CSNK1G1: variants seen among roughly 807,000 people sequenced by gnomAD.
The protein encoded by CSNK1G1 is casein kinase 1 gamma 1.
Under a neutral mutation model 59.6 loss-of-function variants are expected in CSNK1G1, and 22 were observed. The ratio of observed to expected loss-of-function variants is 0.37; its 90% CI spans 0.26 to 0.53. The LOEUF (loss-of-function observed/expected upper bound fraction) is 0.53, where lower values mean the gene tolerates loss of function less well. Among genes scored for constraint, CSNK1G1 ranks in the 20% least tolerant of loss-of-function variants. The pLI, the probability that CSNK1G1 is intolerant of heterozygous loss-of-function variation, is 0.89. For missense variants in CSNK1G1, 384 were observed against 519.5 expected, an observed-to-expected ratio of 0.74 and a Z score of 2.54; for synonymous variants, 179 against 177.1, an observed-to-expected ratio of 1.01 and a Z score of -0.08.
intron 1 of CSNK1G1, among the ~76,000 whole-genome samples, chr15:64,352,076 G>A (rs1314612894): frequency 6.6e-6 from 1 of 152,070 alleles, no homozygotes; most frequent in Non-Finnish European, 1.5e-5. Context: ...GGAGGCCAAG[G>A]TGGGTGGATC....
intron 2 of CSNK1G1, among the ~76,000 whole-genome samples, chr15:64,274,844 C>T (rs1893518983): frequency 6.6e-6 from 1 of 152,156 alleles, no homozygotes; most frequent in African/African-American, 2.4e-5. Flanking sequence ...GTTAGAGCTC[C>T]AGCTGTCACA....
chr15:64,202,147 A>C (rs2082117148), intron 10 of CSNK1G1, among the ~76,000 whole-genome samples: 1 of 152,190 alleles, frequency 6.6e-6, no homozygotes, highest in Non-Finnish European at 1.5e-5. Context: ...GACAGATGAC[A>C]TCGCCTAAGC....
At position 64,190,333 on chromosome 15, in the gene CSNK1G1, T is replaced by C. The variant is rs1374470832; in HGVS notation, c.1108-9879A>G. ...ATCAAAGCTACCCAAAATATTCCCC[T>C]ACTACAATTATTTCTGCCAAAAGAG... On this transcript the variant is annotated intron_variant, in intron 10 of 11. Coordinates refer to ENST00000303052, the MANE Select transcript of CSNK1G1 (RefSeq NM_022048.5). Among the ~76,000 whole-genome samples, 3 of 152,362 alleles carry C rather than the reference T, an allele frequency of 2.0e-5. No individual in the cohort carries two copies. The East Asian group carries it at 5.8e-4, about 29-fold the overall frequency.
chr15:64,290,666 T>C (rs1894689126), intron 2 of CSNK1G1, among the ~76,000 whole-genome samples: 1 of 152,184 alleles, frequency 6.6e-6, no homozygotes. Context: ...AAACCCAGAC[T>C]TCACCATTAG....
intron 10 of CSNK1G1, among the ~76,000 whole-genome samples, chr15:64,202,855 G>A (rs2082125664): frequency 6.6e-6 from 1 of 152,110 alleles, no homozygotes; most frequent in South Asian, 2.1e-4. Context: ...ACTTGGCCAG[G>A]CTGACTCTTT....
chr15:64,296,080 G>A (rs140780113), intron 2 of CSNK1G1, among the ~76,000 whole-genome samples: 2 of 152,180 alleles, frequency 1.3e-5, no homozygotes, highest in Non-Finnish European at 2.9e-5. Context: ...CCTCTTTGAA[G>A]CCTTTATTAA....
intron 3 of CSNK1G1, among the ~76,000 whole-genome samples, chr15:64,255,475 T>G (rs777516276): frequency 2.6e-5 from 4 of 152,154 alleles, no homozygotes; most frequent in Non-Finnish European, 5.9e-5. Flanking sequence ...TTGGAACACT[T>G]TTATATTATA....
intron 7 of CSNK1G1, among the ~76,000 whole-genome samples, chr15:64,206,003 T>A (rs1043958414): frequency 6.6e-5 from 10 of 152,094 alleles, no homozygotes; most frequent in Admixed American, 6.6e-4. Flanking sequence ...TGAAATAAAT[T>A]ACAACCAAAA....
chr15:64,275,732 T>C (rs1893573741), intron 2 of CSNK1G1, among the ~76,000 whole-genome samples: 1 of 152,104 alleles, frequency 6.6e-6, no homozygotes, highest in Admixed American at 6.6e-5. Context: ...TTAAAGAATG[T>C]CTTGACCAAA....
intron 1 of CSNK1G1, among the ~76,000 whole-genome samples, chr15:64,343,571 T>C (rs1366170884): frequency 1.3e-5 from 2 of 152,000 alleles, no homozygotes; most frequent in Admixed American, 1.3e-4. Context: ...TTAACTTTAA[T>C]CTCCTTCCTG....
intron 10 of CSNK1G1, among the ~76,000 whole-genome samples, chr15:64,198,005 T>C (rs1879206533): frequency 6.6e-6 from 1 of 152,030 alleles, no homozygotes; most frequent in South Asian, 2.1e-4. Flanking sequence ...AAATGCAGCT[T>C]CTCTCATCAA....
intron 10 of CSNK1G1, among the ~76,000 whole-genome samples, chr15:64,186,370 C>G (rs191221181): frequency 1.8e-4 from 27 of 152,332 alleles, no homozygotes; most frequent in African/African-American, 6.3e-4. Context: ...CTCGGCCTCC[C>G]AAAGTGCTGG....
chr15:64,299,154 A>T (rs2140400515), intron 2 of CSNK1G1, among the ~76,000 whole-genome samples: 1 of 151,764 alleles, frequency 6.6e-6, no homozygotes, highest in Admixed American at 6.5e-5. Flanking sequence ...ATTAATCCAC[A>T]GTCTCAAGAG....
intron 2 of CSNK1G1, among the ~76,000 whole-genome samples, chr15:64,264,726 A>G (rs1381902780): frequency 1.3e-5 from 2 of 152,252 alleles, no homozygotes; most frequent in African/African-American, 4.8e-5. Flanking sequence ...ATATATGCAT[A>G]TCAATACACG....
chr15:64,176,198 G>T lies in CSNK1G1; in HGVS notation c.1214+4150C>A. Reference sequence around the variant, plus strand: ...TAATGTTCCTAAGGCATTTTGTTTGGCTTTGCCAGTCCCAGCCTAGTCTGG... The same window carrying T: ...TAATGTTCCTAAGGCATTTTGTTTGTCTTTGCCAGTCCCAGCCTAGTCTGG... On this transcript the variant is annotated intron_variant, in intron 11 of 11. Coordinates refer to ENST00000303052, the MANE Select transcript of CSNK1G1 (RefSeq NM_022048.5). This position sits in a 1 kb window ranked among gnomAD's most constrained non-coding sequence, Gnocchi z 5.2. The T allele has an allele frequency of 2.5e-6, 1 of 398,708 alleles. No homozygotes were observed. The highest frequency in any genetic ancestry group is 3.6e-5 in the East Asian group (1 of 28,082). The allele number at this position is 398,708 out of a possible 1,614,324, so 24.7% of individuals were successfully genotyped here. A position where few individuals can be genotyped will look rare whatever the true frequency, so the allele number is the denominator to read the frequency against.
intron 4 of CSNK1G1, among the ~76,000 whole-genome samples, chr15:64,246,895 C>T (rs761214880): frequency 3.3e-5 from 5 of 152,128 alleles, no homozygotes; most frequent in Non-Finnish European, 5.9e-5. Flanking sequence ...CTTGCTGACT[C>T]ATCCCCTCCC....
chr15:64,242,764 C>T (rs967037271), intron 4 of CSNK1G1, among the ~76,000 whole-genome samples: 5 of 152,066 alleles, frequency 3.3e-5, no homozygotes, highest in African/African-American at 1.2e-4. Context: ...CAAAACCAGA[C>T]CAGGACACAA....
At chr15:64,198,875 C>G (rs989919177) in intron 10 of CSNK1G1, among the ~76,000 whole-genome samples, 1 of 151,960 alleles carries the variant, frequency 6.6e-6, no homozygotes, top group Non-Finnish European at 1.5e-5. Flanking sequence ...GATTCAGAAT[C>G]CTGGTGGGAA....
intron 3 of CSNK1G1, among the ~76,000 whole-genome samples, chr15:64,258,106 G>A (rs542843289): frequency 2.0e-5 from 3 of 152,178 alleles, no homozygotes; most frequent in Admixed American, 6.6e-5. Context: ...GTGTGGATGT[G>A]GTAAGTGCAA....
Sources: allele counts gnomAD v4.1 joint callset (sites outside exome capture counted in the v4.1 genomes callset), GRCh38; gene constraint gnomAD v4.1.1; non-coding constraint Gnocchi (gnomAD v3.1); transcripts MANE v1.5; gene names NCBI Gene and HGNC (gene_info 2026-07-23, HGNC 2026-07-21).